TCF12: variants seen among roughly 807,000 people sequenced by gnomAD.
TCF12 encodes the protein DNA-binding protein HTF4.
In TCF12, 45 loss-of-function variants were observed where a neutral mutation model predicts 86.0. That is an observed-to-expected ratio of 0.52 (90% CI 0.41 to 0.67). The LOEUF is 0.67. Ranked by LOEUF, TCF12 falls within the 30% of genes least tolerant of loss-of-function variation. TCF12 has a pLI of 0.00. For synonymous variants in TCF12, 330 were observed against 299.6 expected (o/e 1.10, Z -1.05); for missense variants, 881 against 859.9 (o/e 1.02, Z -0.31).
chr15:57,119,839 A>C (rs1228786903), intron 5 of TCF12, among the ~76,000 whole-genome samples: 10 of 152,160 alleles, frequency 6.6e-5, no homozygotes, highest in African/African-American at 2.4e-4. Flanking sequence ...CTTTAAAAAA[A>C]TCAGTTGTTT....
chr15:57,247,562 C>G (rs1204667438), intron 13 of TCF12: 2 of 901,098 alleles, frequency 2.2e-6, no homozygotes, highest in East Asian at 2.4e-5. Context: ...CTTTTTTCCA[C>G]TCTGCCTGTC....
intron 3 of TCF12, among the ~76,000 whole-genome samples, chr15:56,953,127 T>C (rs1219054296): frequency 1.3e-5 from 2 of 152,118 alleles, no homozygotes; most frequent in African/African-American, 4.8e-5. Context: ...TCTTTGTTAA[T>C]TCGTTAGTAT....
chr15:57,267,835 C>T (rs183995747), intron 18 of TCF12, among the ~76,000 whole-genome samples: 130 of 152,242 alleles, frequency 8.5e-4, no homozygotes, highest in Non-Finnish European at 1.6e-3. Flanking sequence ...TACATACTTG[C>T]CGAGTGACTT....
intron 3 of TCF12, among the ~76,000 whole-genome samples, chr15:56,938,041 T>G (rs1261159422): frequency 7.6e-6 from 1 of 131,418 alleles, no homozygotes; most frequent in Non-Finnish European, 1.6e-5. Flanking sequence ...TTTTCGTTTC[T>G]TTTCTTTTTT....
At chr15:57,054,344 T>C (rs1415791546) in intron 3 of TCF12, among the ~76,000 whole-genome samples, 1 of 152,230 alleles carries the variant, frequency 6.6e-6, no homozygotes, top group African/African-American at 2.4e-5. Flanking sequence ...AGAAACTGCT[T>C]TATTGGTACT....
chr15:57,007,285 A>C (rs1596079484), intron 3 of TCF12, among the ~76,000 whole-genome samples: 1 of 152,222 alleles, frequency 6.6e-6, no homozygotes, highest in Admixed American at 6.5e-5. Context: ...CAGAAAGGCA[A>C]GCATGGGGTC....
At position 57,241,968 on chromosome 15, in the gene TCF12, G is replaced by A. The variant is rs149516659; in HGVS notation, c.1036-1504G>A. 3.2e-3 allele frequency among the ~76,000 whole-genome samples: 481 copies of A among 152,078 alleles called. 1 individual carries two copies. The highest frequency in any genetic ancestry group is 0.011 in the African/African-American group (462 of 41,470). Reference sequence around the variant, plus strand: ...GATCATGTCACTGCACTCCAGCCTGGGTAACAGAGTAAGACTCCATCTCAG... The same window carrying A: ...GATCATGTCACTGCACTCCAGCCTGAGTAACAGAGTAAGACTCCATCTCAG... On this transcript the variant is annotated intron_variant, in intron 12 of 20. Transcript: ENST00000333725.
At chr15:57,223,664 T>TTTTTG (rs2058730303) in intron 8 of TCF12, among the ~76,000 whole-genome samples, 2 of 146,032 alleles carry the variant, frequency 1.4e-5, no homozygotes, top group African/African-American at 4.9e-5. Flanking sequence ...TTTTTTTTTT[T>TTTTTG]TTTTTTTAGA....
intron 5 of TCF12, among the ~76,000 whole-genome samples, chr15:57,131,134 C>T (rs1302972129): frequency 6.6e-6 from 1 of 152,106 alleles, no homozygotes; most frequent in Non-Finnish European, 1.5e-5. Context: ...TAGGTGCTTT[C>T]ACTTAGGACT....
At chr15:57,250,015 T>G (rs762465215) in intron 13 of TCF12, among the ~76,000 whole-genome samples, 12 of 152,192 alleles carry the variant, frequency 7.9e-5, no homozygotes, top group African/African-American at 1.2e-4. Context: ...TTCTTTATAC[T>G]CTGAACTTGT....
At chr15:57,273,915 C>T (rs2061261180) in intron 19 of TCF12, among the ~76,000 whole-genome samples, 1 of 152,138 alleles carries the variant, frequency 6.6e-6, no homozygotes, top group Admixed American at 6.6e-5. Context: ...AACTTTGAAA[C>T]TTCATTTGTT....
At chr15:57,093,757 A>G (rs1421180322) in intron 5 of TCF12, among the ~76,000 whole-genome samples, 1 of 152,216 alleles carries the variant, frequency 6.6e-6, no homozygotes, top group Non-Finnish European at 1.5e-5. Flanking sequence ...ATAGTCATCC[A>G]TACCCTATGT....
intron 3 of TCF12, among the ~76,000 whole-genome samples, chr15:56,986,867 A>G (rs562934704): frequency 3.1e-4 from 47 of 152,346 alleles, no homozygotes; most frequent in African/African-American, 1.1e-3. Context: ...CATGTAATAC[A>G]TAGCAGGATG....
At chr15:57,046,272 A>G (rs550374453) in intron 3 of TCF12, among the ~76,000 whole-genome samples, 8 of 152,228 alleles carry the variant, frequency 5.3e-5, no homozygotes, top group Non-Finnish European at 1.0e-4. Flanking sequence ...ACCTGGATCT[A>G]GCTAATTCTA....
chr15:57,076,810 C>A lies in TCF12; in HGVS notation c.222+12987C>A, dbSNP rs530669881. ...TTAGCTCTTAACTTAAATCTGTGAT[C>A]CATTGTGAGTTTGTTTCTGTATAAG... On this transcript the variant is annotated intron_variant, in intron 4 of 20. Transcript: ENST00000333725. Among the ~76,000 whole-genome samples the A allele has an allele frequency of 9.2e-5, 14 of 152,180 alleles. No individual in the cohort carries two copies. The East Asian group carries it at 2.7e-3, about 29-fold the overall frequency.
At chr15:57,152,404 T>C (rs1230710140) in intron 5 of TCF12, among the ~76,000 whole-genome samples, 8 of 152,182 alleles carry the variant, frequency 5.3e-5, no homozygotes, top group African/African-American at 1.4e-4. Context: ...GGCCCTGTTA[T>C]TGGAACTATC....
At chr15:56,944,334 T>G (rs1467372597) in intron 3 of TCF12, among the ~76,000 whole-genome samples, 5 of 152,190 alleles carry the variant, frequency 3.3e-5, no homozygotes, top group Non-Finnish European at 1.5e-5. Flanking sequence ...ATTGAGACTC[T>G]GAAGGCTCTG....
intron 5 of TCF12, among the ~76,000 whole-genome samples, chr15:57,133,625 T>TTG (rs2052309073): frequency 3.7e-5 from 1 of 27,358 alleles, no homozygotes. Flanking sequence ...CAGTAATGTG[T>TTG]TTTTTTTTTT....
At chr15:57,095,517 C>G (rs1043377314) in intron 5 of TCF12, among the ~76,000 whole-genome samples, 5 of 152,076 alleles carry the variant, frequency 3.3e-5, no homozygotes, top group African/African-American at 1.2e-4. Context: ...TGTTTATAAG[C>G]TTTACTTATT....
Sources: gnomAD v4.1 joint callset for allele counts (sites outside exome capture counted in the v4.1 genomes callset) on GRCh38, gnomAD v4.1.1 for gene constraint, MANE v1.5 for transcripts, NCBI Gene and HGNC (gene_info 2026-07-23, HGNC 2026-07-21) for gene names.